BCL9: variants seen among roughly 807,000 people sequenced by gnomAD.
The protein encoded by BCL9 is BCL9 transcription coactivator.
Under a neutral mutation model 88.5 loss-of-function variants are expected in BCL9, and 25 were observed. The observed-to-expected ratio is 0.28, with a 90% CI of 0.21 to 0.39. The LOEUF (loss-of-function observed/expected upper bound fraction) is 0.39, where lower values mean the gene tolerates loss of function less well. BCL9 is among the 10% of genes least tolerant of loss of function. The pLI is 1.00. For missense variants in BCL9, 1,817 were observed against 1,877.8 expected, an observed-to-expected ratio of 0.97 and a Z score of 0.60; for synonymous variants, 711 against 673.3, an observed-to-expected ratio of 1.06 and a Z score of -0.87.
chr1:147,548,172 G>T (rs17160406), intron 1 of BCL9, among the ~76,000 whole-genome samples: 390 of 152,284 alleles, frequency 2.6e-3, no homozygotes, highest in African/African-American at 8.9e-3. Context: ...CTTAGGGCTT[G>T]TGTAGTTAGT....
intron 5 of BCL9, among the ~76,000 whole-genome samples, chr1:147,613,982 A>G (rs587679635): frequency 2.6e-5 from 4 of 152,264 alleles, no homozygotes; most frequent in South Asian, 4.1e-4. Flanking sequence ...CAGGCCTGCT[A>G]TGAGTGCCAG....
chr1:147,619,894 A>G lies in BCL9; in HGVS notation c.1739A>G (p.Asn580Ser), dbSNP rs1553204812. The change falls in exon 8 of 10, where the codon AAC (asparagine) becomes AGC (serine). Residue 580 changes from asparagine to serine, a missense_variant. Coordinates refer to ENST00000234739, the MANE Select transcript of BCL9 (RefSeq NM_004326.4). The surrounding 1 kb of genome is among the most constrained non-coding windows in gnomAD (Gnocchi z 4.1). ...GAAATGGAAGGGCCGAATGTCCCCA[A>G]CCCTGCATCTAGACCAGGTCTTTCT... ...NSEMEGPNVP[N>S]PASRPGLSGV... 5 of 1,614,150 alleles carry G rather than the reference A, an allele frequency of 3.1e-6. No individual in the cohort carries two copies. The highest frequency in any genetic ancestry group is 2.2e-5 in the East Asian group (1 of 44,866).
rs587745620 is a variant in BCL9, at chr1:147,624,031, C to G, written c.3353C>G (p.Pro1118Arg). Residue 1118 changes from proline to arginine, a missense_variant, in exon 10 of 10, where the codon CCT (proline) becomes CGT (arginine). By Grantham distance (103) the Pro-to-Arg change is moderately radical. This residue lies in a region of BCL9 where 589 missense variants were observed against 686.2 expected (regional missense o/e 0.86). Coordinates refer to ENST00000234739, the MANE Select transcript of BCL9 (RefSeq NM_004326.4). This position sits in a 1 kb window ranked among gnomAD's most constrained non-coding sequence, Gnocchi z 4.4. The stretch of plus-strand genomic sequence containing the variant: ...GGGCCTGGCTTGATGTCACACAATC[C>G]TATCATGGGGCATGGGTCCCAGGAG... ...PMGPGLMSHN[P>R]IMGHGSQEPP... The G allele has an allele frequency of 6.2e-7, 1 of 1,614,192 alleles. No individual in the cohort carries two copies. Among genetic ancestry groups the G allele is most frequent in the Non-Finnish European group, 8.5e-7 (1 of 1,180,020 alleles).
chr1:147,569,033 A>C (rs587692017), intron 1 of BCL9, among the ~76,000 whole-genome samples: 43 of 151,976 alleles, frequency 2.8e-4, no homozygotes, highest in African/African-American at 1.0e-3. Flanking sequence ...AAAAATTATT[A>C]ATAGAAGCCT....
Position 147,606,805 on chromosome 1 carries a change from G to T in BCL9, c.-321G>T, listed in dbSNP as rs12118839. On this transcript the variant is annotated 5_prime_UTR_variant, in exon 3 of 10. Coordinates refer to ENST00000234739, the MANE Select transcript of BCL9 (RefSeq NM_004326.4). Reference sequence around the variant, plus strand: ...CTAGACAAGGGTCATCTTTGAGAAGGGGGTTCCTGGACTCCTCACCTCCAG... The same window carrying T: ...CTAGACAAGGGTCATCTTTGAGAAGTGGGTTCCTGGACTCCTCACCTCCAG... 0.075 allele frequency: 11,448 copies of T among 152,566 alleles called. 513 individuals carry two copies. Among genetic ancestry groups the T allele is most frequent in the Non-Finnish European group, 0.1 (6,780 of 67,994 alleles). 9.5% of individuals were successfully genotyped at this position (152,566 alleles called of 1,614,324 possible). A position where few individuals can be genotyped will look rare whatever the true frequency, so the allele number is the denominator to read the frequency against.
intron 1 of BCL9, among the ~76,000 whole-genome samples, chr1:147,596,420 T>TTC (rs1447383174): frequency 9.1e-5 from 13 of 142,860 alleles, no homozygotes; most frequent in Admixed American, 8.9e-4. Context: ...TCTTTTCTTT[T>TTC]TTTTTTTTTT....
At chr1:147,574,970 T>C (rs1656044893) in intron 1 of BCL9, among the ~76,000 whole-genome samples, 1 of 152,156 alleles carries the variant, frequency 6.6e-6, no homozygotes. Flanking sequence ...CAGAAGTATA[T>C]GGTTGAGGGG....
intron 1 of BCL9, among the ~76,000 whole-genome samples, chr1:147,577,427 G>A (rs911729436): frequency 9.2e-5 from 14 of 152,124 alleles, no homozygotes; most frequent in African/African-American, 3.4e-4. Flanking sequence ...TATGACTATG[G>A]AAGGCACTCA....
chr1:147,545,769 C>T (rs928848294), intron 1 of BCL9, among the ~76,000 whole-genome samples: 1 of 152,178 alleles, frequency 6.6e-6, no homozygotes, highest in African/African-American at 2.4e-5. Flanking sequence ...AAATTTTCTC[C>T]ATTCCTTTTA....
At chr1:147,563,053 T>A (rs1032036058) in intron 1 of BCL9, among the ~76,000 whole-genome samples, 7 of 152,304 alleles carry the variant, frequency 4.6e-5, no homozygotes, top group Admixed American at 4.6e-4. Context: ...CTGTAACCTC[T>A]GCCCAGAACA....
intron 7 of BCL9, 38 bp downstream of exon 7, chr1:147,615,940 TCTACAGTGACTGCAA>T: frequency 6.4e-7 from 1 of 1,561,092 alleles, no homozygotes; most frequent in South Asian, 1.1e-5. Flanking sequence ...GTTTAATGAT[TCTACAGTGACTGCAA>T]AGGAAAGGAG....
intron 1 of BCL9, among the ~76,000 whole-genome samples, 194 bp downstream of exon 1, chr1:147,541,868 T>A (rs1654335869): frequency 6.7e-6 from 1 of 150,282 alleles, no homozygotes; most frequent in Admixed American, 6.6e-5. Context: ...AGTAACACGA[T>A]CTGTGCCTCT....
chr1:147,606,407 T>C (rs1445120762), intron 2 of BCL9, among the ~76,000 whole-genome samples: 1 of 152,218 alleles, frequency 6.6e-6, no homozygotes, highest in Non-Finnish European at 1.5e-5. Context: ...TTCTCACCTT[T>C]ACAGTCAGCT....
At chr1:147,550,802 C>T (rs1211438873) in intron 1 of BCL9, among the ~76,000 whole-genome samples, 4 of 152,276 alleles carry the variant, frequency 2.6e-5, no homozygotes, top group Middle Eastern at 3.4e-3. Flanking sequence ...TATTTATTCT[C>T]TCGGAAACTC....
chr1:147,598,215 A>G lies in BCL9; in HGVS notation c.-477-6562A>G, dbSNP rs1201002336. 5.9e-5 allele frequency among the ~76,000 whole-genome samples: 9 copies of G among 152,310 alleles called. No individual in the cohort carries two copies. The East Asian group carries it at 1.3e-3, about 23-fold the overall frequency. ...CCTTCTTTTACAGGGGTTCTTAGCT[A>G]TGTTACATCAAATATTCTATGCCCC... On this transcript the variant is annotated intron_variant, in intron 1 of 9. Coordinates refer to ENST00000234739, the MANE Select transcript of BCL9 (RefSeq NM_004326.4).
At chr1:147,583,275 T>G (rs1553198834) in intron 1 of BCL9, among the ~76,000 whole-genome samples, 1 of 152,054 alleles carries the variant, frequency 6.6e-6, no homozygotes, top group Non-Finnish European at 1.5e-5. Flanking sequence ...ATTTATTTAT[T>G]TATGTATTTT....
At chr1:147,549,032 C>T (rs997250462) in intron 1 of BCL9, among the ~76,000 whole-genome samples, 21 of 126,554 alleles carry the variant, frequency 1.7e-4, no homozygotes, top group African/African-American at 6.3e-4. Context: ...GCTGGAGTGC[C>T]GTGGTGAGAT....
At chr1:147,543,931 A>C (rs1475445634) in intron 1 of BCL9, among the ~76,000 whole-genome samples, 3 of 152,188 alleles carry the variant, frequency 2.0e-5, no homozygotes, top group African/African-American at 7.2e-5. Flanking sequence ...GGATTACAGC[A>C]GCACACTCTG....
intron 1 of BCL9, among the ~76,000 whole-genome samples, chr1:147,599,086 G>A (rs1657186912): frequency 6.6e-6 from 1 of 152,252 alleles, no homozygotes; most frequent in African/African-American, 2.4e-5. Context: ...GCGACGTGAG[G>A]TCCTGGACAG....
Sources: allele counts gnomAD v4.1 joint callset (sites outside exome capture counted in the v4.1 genomes callset), GRCh38; gene constraint gnomAD v4.1.1; regional missense constraint gnomAD v4.1.1; non-coding constraint Gnocchi (gnomAD v3.1); transcripts MANE v1.5; gene names NCBI Gene and HGNC (gene_info 2026-07-23, HGNC 2026-07-21).